The following QNG1 variants were observed in gnomAD, a reference collection of about 807,000 sequenced individuals.
QNG1 encodes queuosine 5'-phosphate N-glycosylase/hydrolase.
the QNG1 span, chr9:83,953,878 C>T: frequency 1.5e-6 from 2 of 1,300,866 alleles, no homozygotes; most frequent in Non-Finnish European, 2.2e-6. Flanking sequence ...AATATATATA[C>T]AGTACACTGA....
At chr9:83,950,339 C>T in the QNG1 span, among the ~76,000 whole-genome samples, 4 of 152,126 alleles carry the variant, frequency 2.6e-5, no homozygotes, top group Admixed American at 1.3e-4. Context: ...TGAGCCACCA[C>T]GCCTGGCCAT....
At chr9:83,955,855 T>C in the QNG1 span, among the ~76,000 whole-genome samples, 1 of 152,216 alleles carries the variant, frequency 6.6e-6, no homozygotes, top group Non-Finnish European at 1.5e-5. Flanking sequence ...ACATCAGATG[T>C]ATTCTGAGTA....
chr9:83,949,415 G>A, the QNG1 span, among the ~76,000 whole-genome samples: 8 of 152,092 alleles, frequency 5.3e-5, no homozygotes, highest in Admixed American at 3.3e-4. Flanking sequence ...AGGCCGAGGC[G>A]GGTGGATCAC....
the QNG1 span, among the ~76,000 whole-genome samples, chr9:83,951,201 C>A: frequency 3.3e-5 from 5 of 152,032 alleles, no homozygotes; most frequent in Admixed American, 2.6e-4. Context: ...ACTTGGGAGG[C>A]GGAGGTTGCA....
chr9:83,944,655 CT>C, the QNG1 span: 24 of 611,526 alleles, frequency 3.9e-5, no homozygotes, highest in African/African-American at 4.3e-4. Context: ...TACATTTTGT[CT>C]TTGCATTTTC....
chr9:83,944,931 A>G, the QNG1 span: 2,287 of 1,613,930 alleles, frequency 1.4e-3, 18 homozygotes, highest in African/African-American at 0.026. Flanking sequence ...TCCTTCCAAT[A>G]CACTCCACGT....
the QNG1 span, chr9:83,953,555 C>T: frequency 2.8e-6 from 1 of 363,610 alleles, no homozygotes; most frequent in South Asian, 3.2e-5. Context: ...ACCACGTTGG[C>T]CAGGCTGGTC....
the QNG1 span, among the ~76,000 whole-genome samples, chr9:83,946,102 C>G: frequency 2.0e-5 from 3 of 151,758 alleles, no homozygotes; most frequent in African/African-American, 7.3e-5. Context: ...GTCAGGAGTT[C>G]GAGACCAGCC....
At chr9:83,941,475 C>T in the QNG1 span, among the ~76,000 whole-genome samples, 7 of 151,270 alleles carry the variant, frequency 4.6e-5, no homozygotes, top group Admixed American at 4.0e-4. Context: ...GCCCCAGCTA[C>T]TCAGGAGGCT....
the QNG1 span, among the ~76,000 whole-genome samples, chr9:83,949,374 T>G: frequency 3.3e-5 from 5 of 152,342 alleles, no homozygotes; most frequent in Non-Finnish European, 5.9e-5. Context: ...CTGGGTGCAG[T>G]GGCTCATGCC....
the QNG1 span, among the ~76,000 whole-genome samples, chr9:83,948,161 C>T: frequency 1.7e-4 from 25 of 150,626 alleles, no homozygotes; most frequent in African/African-American, 5.6e-4. Flanking sequence ...TCTGTCCGGC[C>T]GCGACCCCGT....
the QNG1 span, among the ~76,000 whole-genome samples, chr9:83,951,108 C>T: frequency 9.2e-5 from 14 of 151,814 alleles, no homozygotes; most frequent in Non-Finnish European, 1.9e-4. Flanking sequence ...CCTGCCTCTA[C>T]AAAAATATAA....
the QNG1 span, among the ~76,000 whole-genome samples, chr9:83,954,074 T>C: frequency 6.6e-6 from 1 of 152,140 alleles, no homozygotes; most frequent in Non-Finnish European, 1.5e-5. Flanking sequence ...TTTGTATTTT[T>C]AGTAGAGATG....
the QNG1 span, among the ~76,000 whole-genome samples, chr9:83,943,796 T>G: frequency 1.6e-4 from 23 of 148,246 alleles, no homozygotes; most frequent in African/African-American, 4.5e-4. Flanking sequence ...CCGAGGTGGG[T>G]GGATCACAAG....
chr9:83,951,298 C>T, the QNG1 span, among the ~76,000 whole-genome samples: 2 of 151,798 alleles, frequency 1.3e-5, no homozygotes, highest in African/African-American at 2.4e-5. Flanking sequence ...TGGTGGCTCA[C>T]GCCTGTAATC....
chr9:83,947,551 C>T, the QNG1 span, among the ~76,000 whole-genome samples: 2 of 152,212 alleles, frequency 1.3e-5, no homozygotes, highest in Non-Finnish European at 2.9e-5. Flanking sequence ...CCAGGGTCTC[C>T]CTCTGATGCC....
the QNG1 span, among the ~76,000 whole-genome samples, chr9:83,947,714 C>T: frequency 3.3e-5 from 5 of 152,336 alleles, no homozygotes; most frequent in African/African-American, 9.6e-5. Flanking sequence ...GGGGTTTCGC[C>T]GTGTTGGCCG....
chr9:83,952,565 C>T, the QNG1 span, among the ~76,000 whole-genome samples: 63 of 151,946 alleles, frequency 4.1e-4, no homozygotes, highest in Non-Finnish European at 1.8e-4. Flanking sequence ...GAGGCTGAGG[C>T]GGGCGGATCA....
chr9:83,955,339 A>T, the QNG1 span: 3 of 1,587,376 alleles, frequency 1.9e-6, no homozygotes, highest in African/African-American at 4.1e-5. Flanking sequence ...GTTAACTCTG[A>T]GATGATTAAG....
Sources: allele counts gnomAD v4.1 joint callset (sites outside exome capture counted in the v4.1 genomes callset), GRCh38; gene constraint gnomAD v4.1.1; transcripts MANE v1.5; gene names NCBI Gene and HGNC (gene_info 2026-07-23, HGNC 2026-07-21).